PALS2: variants seen among roughly 807,000 people sequenced by gnomAD.
PALS2 encodes the protein protein PALS2.
In PALS2, 27 loss-of-function variants were observed where a neutral mutation model predicts 61.6. The observed-to-expected ratio is 0.44, with a 90% CI of 0.32 to 0.60. The LOEUF is 0.60. Among genes scored for constraint, PALS2 ranks in the 20% least tolerant of loss-of-function variants. PALS2 has a pLI of 0.05. For synonymous variants in PALS2, 236 were observed against 218.6 expected (o/e 1.08, Z -0.70); for missense variants, 554 against 639.4 (o/e 0.87, Z 1.44).
At position 24,680,467 on chromosome 7, in the gene PALS2, C is replaced by G; in HGVS notation, c.1393C>G (p.Arg465Gly). The G allele has an allele frequency of 6.2e-7, 1 of 1,614,062 alleles. No individual in the cohort carries two copies. Among genetic ancestry groups the G allele is most frequent in the East Asian group, 2.2e-5 (1 of 44,870 alleles). ...FIAAPELETL[R>G]AMHKAVVDAG... is the part of the protein sequence containing the mutation. ...TGCGGCTCCGGAGCTAGAGACGTTA[C>G]GTGCCATGCACAAGGCTGTGGTGGA... The change falls in exon 11 of 12, where the codon CGT becomes GGT. Residue 465 changes from arginine to glycine, a missense_variant. Coordinates refer to ENST00000222644, the MANE Select transcript of PALS2 (RefSeq NM_001303037.2).
In PALS2 at chr7:24,649,668, A is replaced by G. The variant is rs904252000; in HGVS notation, c.327A>G (p.Ser109=). ...VASKCYDSPP[S]SPEMNNSSIN... ...CAAAGTGTTATGATTCACCTCCATC[A>G]AGCCCAGAAATGAATAATTCTTCTA... Residue 109 remains serine, a synonymous_variant, in exon 4 of 12, where the codon TCA becomes TCG. Transcript: ENST00000222644. 12 of 1,612,086 alleles carry G rather than the reference A, an allele frequency of 7.4e-6. No individual in the cohort carries two copies. The African/African-American group carries it at 8.0e-5, about 11-fold the overall frequency.
chr7:24,606,572 T>C (rs375424874), intron 1 of PALS2, among the ~76,000 whole-genome samples: 2 of 152,300 alleles, frequency 1.3e-5, no homozygotes, highest in African/African-American at 2.4e-5. Flanking sequence ...ATAGCATTTA[T>C]GTTTTTAGTA....
At chr7:24,586,982 C>G (rs546264015) in intron 1 of PALS2, among the ~76,000 whole-genome samples, 1 of 151,822 alleles carries the variant, frequency 6.6e-6, no homozygotes, top group East Asian at 1.9e-4. Flanking sequence ...GCCCTGCCCC[C>G]CAAATTCTAG....
At chr7:24,685,657 T>G (rs776861111) in intron 11 of PALS2, among the ~76,000 whole-genome samples, 4,793 of 151,888 alleles carry the variant, frequency 0.032, 120 homozygotes, top group Middle Eastern at 0.068. Context: ...GTTTTTTTTT[T>G]TTTTTTTTTT....
chr7:24,610,358 A>G (rs1042074716), intron 1 of PALS2, among the ~76,000 whole-genome samples: 14 of 152,052 alleles, frequency 9.2e-5, no homozygotes, highest in Non-Finnish European at 2.9e-5. Flanking sequence ...AGTTTCATAC[A>G]TGTGTTTATA....
chr7:24,586,242 A>C (rs984948755), intron 1 of PALS2, among the ~76,000 whole-genome samples: 6 of 152,180 alleles, frequency 3.9e-5, no homozygotes, highest in Admixed American at 3.9e-4. Flanking sequence ...TTAGCCATAA[A>C]ATAAAATACT....
rs528099272 is a variant in PALS2 at position 24,687,482 on chromosome 7, G to A, written c.1491G>A (p.Gln497=). The change falls in exon 12 of 12, where the codon CAG becomes CAA. Residue 497 remains glutamine, a synonymous_variant. Transcript: ENST00000222644. The surrounding 1 kb of genome is among the most constrained non-coding windows in gnomAD (Gnocchi z 4.5). ...KKTVDESARI[Q]RAYNHYFDLI... is the part of the protein sequence containing the mutation. Reference sequence around the variant, plus strand: ...CAGTGGATGAAAGTGCACGGATTCAGAGAGCATACAACCACTATTTTGATT... The same window carrying A: ...CAGTGGATGAAAGTGCACGGATTCAAAGAGCATACAACCACTATTTTGATT... 4.8e-5 allele frequency: 78 copies of A among 1,612,470 alleles called. 1 individual carries two copies. In the South Asian group the frequency reaches 8.1e-4, roughly 17 times the overall value.
chr7:24,584,493 A>T (rs1351171213), intron 1 of PALS2, among the ~76,000 whole-genome samples: 1 of 146,400 alleles, frequency 6.8e-6, no homozygotes, highest in Non-Finnish European at 1.5e-5. Flanking sequence ...TCCTTCGCCC[A>T]CTTTTTGATG....
chr7:24,666,999 C>T (rs562723379), intron 8 of PALS2: 1 of 152,214 alleles, frequency 6.6e-6, no homozygotes, highest in East Asian at 1.9e-4. Context: ...AACTAAATAG[C>T]ACACCATAAA....
intron 1 of PALS2, among the ~76,000 whole-genome samples, chr7:24,613,461 A>C (rs1293812475): frequency 1.3e-5 from 2 of 151,668 alleles, no homozygotes; most frequent in Non-Finnish European, 3.0e-5. Flanking sequence ...CCTTTTTTTA[A>C]TTAATTGACA....
intron 2 of PALS2, among the ~76,000 whole-genome samples, chr7:24,639,467 A>AG (rs1785406261): frequency 6.6e-6 from 1 of 152,084 alleles, no homozygotes; most frequent in South Asian, 2.1e-4. Flanking sequence ...CAGAAAAAAA[A>AG]GCCCTTCAAT....
intron 2 of PALS2, among the ~76,000 whole-genome samples, chr7:24,632,636 G>A (rs1052648526): frequency 1.3e-5 from 2 of 152,038 alleles, no homozygotes; most frequent in African/African-American, 2.4e-5. Flanking sequence ...ATCTGCCCAC[G>A]TCGGCCTCCC....
At position 24,688,919 on chromosome 7, in the gene PALS2, C is replaced by G. The variant is rs1184309055; in HGVS notation, c.*1305C>G. On this transcript the variant is annotated 3_prime_UTR_variant, in exon 12 of 12. Coordinates refer to ENST00000222644, the MANE Select transcript of PALS2 (RefSeq NM_001303037.2). ...ACCTCTGCCTCCTGGGTTCATGCGA[C>G]TCTCGTGCCTCAGCCTCCCAAGTAA... 6.6e-6 allele frequency: 1 copy of G among 151,980 alleles called. No homozygotes were observed. Among genetic ancestry groups the G allele is most frequent in the African/African-American group, 2.4e-5 (1 of 41,376 alleles). The allele number at this position is 151,980 out of a possible 1,614,324, so 9.4% of individuals were successfully genotyped here. A position where few individuals can be genotyped will look rare whatever the true frequency, so the allele number is the denominator to read the frequency against.
chr7:24,631,617 A>G (rs1378195507), intron 2 of PALS2, among the ~76,000 whole-genome samples: 1 of 152,226 alleles, frequency 6.6e-6, no homozygotes, highest in East Asian at 1.9e-4. Flanking sequence ...CTCAAACAAC[A>G]TTGCATGCTA....
Position 24,645,536 on chromosome 7 carries a change from G to C in PALS2, c.270+3668G>C, listed in dbSNP as rs146146064. ...TTACTGTAGCCTTGTAGTATAGTTTGAAGTTGGGTAATGTGATGCCCCCAG... is the reference window on the plus strand; with the variant it reads ...TTACTGTAGCCTTGTAGTATAGTTTCAAGTTGGGTAATGTGATGCCCCCAG... On this transcript the variant is annotated intron_variant, in intron 3 of 11. Coordinates refer to ENST00000222644, the MANE Select transcript of PALS2 (RefSeq NM_001303037.2). Among the ~76,000 whole-genome samples, 70 of 152,292 alleles carry C rather than the reference G, an allele frequency of 4.6e-4. 2 individuals carry two copies. In the East Asian group the frequency reaches 0.013, roughly 29 times the overall value.
At position 24,688,451 on chromosome 7, in the gene PALS2, A is replaced by G. The variant is rs1175160553; in HGVS notation, c.*837A>G. 1 of 152,228 alleles carries G rather than the reference A, an allele frequency of 6.6e-6. No homozygotes were observed. Among genetic ancestry groups the G allele is most frequent in the Non-Finnish European group, 1.5e-5 (1 of 68,042 alleles). The allele number at this position is 152,228 out of a possible 1,614,324, so 9.4% of individuals were successfully genotyped here. On this transcript the variant is annotated 3_prime_UTR_variant, in exon 12 of 12. Coordinates refer to ENST00000222644, the MANE Select transcript of PALS2 (RefSeq NM_001303037.2). The stretch of plus-strand genomic sequence containing the variant: ...TGACACTTGAAGAAAGTTTATTTTC[A>G]CATGTAAAATTTTGACTGACAAAAG...
chr7:24,647,874 C>T (rs968583827), intron 3 of PALS2, among the ~76,000 whole-genome samples: 2 of 151,990 alleles, frequency 1.3e-5, no homozygotes, highest in African/African-American at 2.4e-5. Context: ...GAGTTGTGGG[C>T]AAATTTTTAC....
intron 5 of PALS2, among the ~76,000 whole-genome samples, 193 bp downstream of exon 5, chr7:24,650,905 A>G (rs1786112942): frequency 6.6e-6 from 1 of 152,226 alleles, no homozygotes; most frequent in Non-Finnish European, 1.5e-5. Context: ...TTGTAAAGGA[A>G]ATAGTAGATT....
At chr7:24,578,237 C>T (rs558762033) in intron 1 of PALS2, among the ~76,000 whole-genome samples, 1 of 152,172 alleles carries the variant, frequency 6.6e-6, no homozygotes, top group Non-Finnish European at 1.5e-5. Context: ...AAGCATGAAC[C>T]ACCACACCCT....
Sources: gnomAD v4.1 joint callset for allele counts (sites outside exome capture counted in the v4.1 genomes callset) on GRCh38, gnomAD v4.1.1 for gene constraint, Gnocchi (gnomAD v3.1) non-coding constraint, MANE v1.5 for transcripts, NCBI Gene and HGNC (gene_info 2026-07-23, HGNC 2026-07-21) for gene names.